The following NEO1 variants were observed in gnomAD, a reference collection of about 807,000 sequenced individuals.
The protein encoded by NEO1 is neogenin.
A neutral mutation model predicts 159.7 loss-of-function variants in NEO1; 63 were observed. That is an observed-to-expected ratio of 0.39 (90% CI 0.32 to 0.49). NEO1 has a LOEUF of 0.49. Ranked by LOEUF, NEO1 falls within the 20% of genes least tolerant of loss-of-function variation. The pLI is 0.85. For synonymous variants in NEO1, 633 were observed against 662.0 expected (o/e 0.96, Z 0.67); for missense variants, 1,615 against 1,831.0 (o/e 0.88, Z 2.15).
chr15:73,298,329 T>G lies in NEO1; in HGVS notation c.3902-19T>G. The G allele has an allele frequency of 1.9e-6, 3 of 1,612,428 alleles. No individual in the cohort carries two copies. The highest frequency in any genetic ancestry group is 2.5e-6 in the Non-Finnish European group (3 of 1,178,622). On this transcript the variant is annotated intron_variant, in intron 26 of 28. Transcript: ENST00000261908. ...TTAATGGCAAAAGAAATGCTAACAT[T>G]TAGACTTTCCTGCTGTAGAATCCGT...
chr15:73,275,857 C>T (rs1314235660), intron 21 of NEO1, among the ~76,000 whole-genome samples: 1 of 152,076 alleles, frequency 6.6e-6, no homozygotes, highest in Non-Finnish European at 1.5e-5. Context: ...TGAGAATGAA[C>T]ATTAAAAGTA....
intron 19 of NEO1, 53 bp downstream of exon 19, chr15:73,272,615 A>AAGAGC: frequency 1.6e-6 from 2 of 1,273,982 alleles, no homozygotes; most frequent in Non-Finnish European, 2.3e-6. Flanking sequence ...GCCTGACAGG[A>AAGAGC]GTATTCCAGG....
chr15:73,074,438 T>G (rs2068675784), intron 1 of NEO1, among the ~76,000 whole-genome samples: 1 of 152,246 alleles, frequency 6.6e-6, no homozygotes, highest in Admixed American at 6.5e-5. Context: ...AAACAGAGAA[T>G]GTACATAAAT....
intron 1 of NEO1, among the ~76,000 whole-genome samples, chr15:73,054,104 C>T (rs2067591028): frequency 6.6e-6 from 1 of 152,162 alleles, no homozygotes; most frequent in South Asian, 2.1e-4. Flanking sequence ...TACATTCAGT[C>T]CGTATATGGT....
intron 26 of NEO1, among the ~76,000 whole-genome samples, chr15:73,296,719 A>G (rs989328182): frequency 1.3e-5 from 2 of 152,026 alleles, no homozygotes; most frequent in Non-Finnish European, 2.9e-5. Context: ...TGAACCCTTT[A>G]TATCTGTTTT....
At chr15:73,281,919 A>T (rs980112593) in intron 22 of NEO1, among the ~76,000 whole-genome samples, 51 of 152,348 alleles carry the variant, frequency 3.3e-4, no homozygotes, top group Non-Finnish European at 5.9e-5. Flanking sequence ...CCTTTCAGCA[A>T]TGGGGAAATA....
intron 10 of NEO1, 74 bp downstream of exon 10, chr15:73,249,282 TTGCTTGAC>T: frequency 6.7e-7 from 1 of 1,484,818 alleles, no homozygotes; most frequent in Non-Finnish European, 9.2e-7. Context: ...AACTCAGTAG[TTGCTTGAC>T]TGGAAATGTG....
rs546589413 is a variant in NEO1 at position 73,221,526 on chromosome 15, CCAGAGGTGGAGCCTA to C, written c.1292-14814_1292-14800del. On this transcript the variant is annotated intron_variant, in intron 7 of 28. Coordinates refer to ENST00000261908, the MANE Select transcript of NEO1 (RefSeq NM_002499.4). ...CTTTTTGTTTGTCTGTGCCCTGCCC[CCAGAGGTGGAGCCTA>C]CAGAGGCAGACAGGCCTCCTTGAGC... Among the ~76,000 whole-genome samples the C allele has an allele frequency of 4.8e-4, 73 of 152,342 alleles. No homozygotes were observed. The South Asian group carries it at 0.015, about 31-fold the overall frequency.
At chr15:73,199,142 GC>G (rs922208069) in intron 7 of NEO1, among the ~76,000 whole-genome samples, 9 of 150,434 alleles carry the variant, frequency 6.0e-5, no homozygotes, top group African/African-American at 2.2e-4. Context: ...GTTTTGAGGA[GC>G]ATTGGTGAGG....
In NEO1 at chr15:73,289,066, T is replaced by A. The variant is rs530620432; in HGVS notation, c.3650-80T>A. 1.1e-4 allele frequency: 116 copies of A among 1,047,978 alleles called. No homozygotes were observed. The African/African-American group carries it at 1.6e-3, about 14-fold the overall frequency. 64.9% of individuals were successfully genotyped at this position (1,047,978 alleles called of 1,614,324 possible). The stretch of plus-strand genomic sequence containing the variant: ...TGCTGTTTGTGAATTCTGAATCCCC[T>A]ACTAGAAATGTTTCACTGTTGAGGC... On this transcript the variant is annotated intron_variant, in intron 24 of 28. Transcript: ENST00000261908.
intron 7 of NEO1, among the ~76,000 whole-genome samples, chr15:73,203,651 C>G (rs1369613233): frequency 6.6e-6 from 1 of 151,774 alleles, no homozygotes; most frequent in Non-Finnish European, 1.5e-5. Context: ...TAGTGGTTGC[C>G]CTCAGTTTTA....
intron 7 of NEO1, 90 bp from the exon 8 acceptor site, chr15:73,236,257 T>C: frequency 6.3e-7 from 1 of 1,590,286 alleles, no homozygotes; most frequent in Non-Finnish European, 8.6e-7. Flanking sequence ...GGTTTGCCCT[T>C]CATATTCCCC....
chr15:73,167,686 A>C (rs749889952), intron 5 of NEO1, among the ~76,000 whole-genome samples: 17 of 152,240 alleles, frequency 1.1e-4, no homozygotes, highest in Non-Finnish European at 2.1e-4. Flanking sequence ...CATCAAGCAA[A>C]GATTAAGTAT....
chr15:73,128,988 C>G (rs1451301793), intron 4 of NEO1, among the ~76,000 whole-genome samples: 1 of 152,178 alleles, frequency 6.6e-6, no homozygotes, highest in Non-Finnish European at 1.5e-5. Flanking sequence ...TCTCTAGGCT[C>G]CTGAATACTC....
intron 5 of NEO1, among the ~76,000 whole-genome samples, chr15:73,155,389 TTC>T: frequency 6.6e-6 from 1 of 152,296 alleles, no homozygotes; most frequent in East Asian, 1.9e-4. Flanking sequence ...TTAAAATTCT[TTC>T]TTTTACTTTG....
chr15:73,056,722 C>A (rs1476375775), intron 1 of NEO1, among the ~76,000 whole-genome samples: 1 of 152,164 alleles, frequency 6.6e-6, no homozygotes, highest in African/African-American at 2.4e-5. Context: ...TTAATTCCTT[C>A]AGCCACTCTT....
rs1252159558 is a variant in NEO1, at chr15:73,304,057, C to G, written c.*1361C>G. 6.6e-6 allele frequency: 1 copy of G among 152,212 alleles called. No individual in the cohort carries two copies. The highest frequency in any genetic ancestry group is 1.9e-4 in the East Asian group (1 of 5,192). 9.4% of individuals were successfully genotyped at this position (152,212 alleles called of 1,614,324 possible). ...AGTGCCCCCTGAGGCTTCCACACAT[C>G]TTTCTGAATATTATTTTTCAAGTAA... On this transcript the variant is annotated 3_prime_UTR_variant, in exon 29 of 29. Transcript: ENST00000261908.
At position 73,096,805 on chromosome 15, in the gene NEO1, C is replaced by A. The variant is rs373671976; in HGVS notation, c.131-19735C>A. On this transcript the variant is annotated intron_variant, in intron 1 of 28. Transcript: ENST00000261908. The stretch of plus-strand genomic sequence containing the variant: ...TTTTTGTTTCCTAATCTTAAAAAAT[C>A]TTCAAAGAGCACTCATTTTTCTTTA... Among the ~76,000 whole-genome samples the A allele has an allele frequency of 9.9e-5, 15 of 152,158 alleles. No individual in the cohort carries two copies. The East Asian group carries it at 2.9e-3, about 29-fold the overall frequency.
Position 73,198,311 on chromosome 15 carries a change from A to C in NEO1, c.1291+19884A>C, listed in dbSNP as rs7168845. Among the ~76,000 whole-genome samples the C allele has an allele frequency of 8.6e-3, 1,309 of 151,948 alleles. 23 individuals are homozygous for C. Among genetic ancestry groups the C allele is most frequent in the African/African-American group, 0.03 (1,237 of 41,438 alleles). ...CTATATTCTCTGGGCTATAATTTCT[A>C]CTTTCTTGGATTCATCGTTCTTTAT... On this transcript the variant is annotated intron_variant, in intron 7 of 28. Coordinates refer to ENST00000261908, the MANE Select transcript of NEO1 (RefSeq NM_002499.4).
Sources: allele counts gnomAD v4.1 joint callset (sites outside exome capture counted in the v4.1 genomes callset), GRCh38; gene constraint gnomAD v4.1.1; transcripts MANE v1.5; gene names NCBI Gene and HGNC (gene_info 2026-07-23, HGNC 2026-07-21).